DSCAM: variants seen among roughly 807,000 people sequenced by gnomAD.
The protein encoded by DSCAM is cell adhesion molecule DSCAM.
DSCAM carries 47 observed loss-of-function variants against 217.7 expected under a neutral mutation model. The observed-to-expected ratio is 0.22, with a 90% CI of 0.17 to 0.28. DSCAM has a LOEUF of 0.28. DSCAM is among the 10% of genes least tolerant of loss of function. DSCAM has a pLI of 1.00. For missense variants in DSCAM, 2,080 were observed against 2,618.3 expected, an observed-to-expected ratio of 0.79 and a Z score of 4.49; for synonymous variants, 1,056 against 1,015.3, an observed-to-expected ratio of 1.04 and a Z score of -0.76.
At chr21:40,695,936 G>A (rs970232866) in intron 2 of DSCAM, among the ~76,000 whole-genome samples, 6 of 152,102 alleles carry the variant, frequency 3.9e-5, no homozygotes, top group African/African-American at 1.2e-4. Flanking sequence ...TGTCTATGGC[G>A]ATATATCTCT....
At chr21:40,657,598 C>G (rs886361637) in intron 3 of DSCAM, among the ~76,000 whole-genome samples, 2 of 152,152 alleles carry the variant, frequency 1.3e-5, no homozygotes, top group Admixed American at 6.5e-5. Context: ...GTGACTTACC[C>G]TAAAGCAATG....
intron 3 of DSCAM, among the ~76,000 whole-genome samples, chr21:40,567,093 T>G (rs1013419524): frequency 6.6e-6 from 1 of 152,144 alleles, no homozygotes; most frequent in Admixed American, 6.5e-5. Flanking sequence ...AGTGTTACAT[T>G]TTATGACTCT....
intron 3 of DSCAM, among the ~76,000 whole-genome samples, chr21:40,542,763 C>T (rs948315670): frequency 1.3e-5 from 2 of 152,202 alleles, no homozygotes; most frequent in South Asian, 2.1e-4. Flanking sequence ...CCAAAATGGG[C>T]TAAGGTGCTC....
chr21:40,435,549 A>AG lies in DSCAM; in HGVS notation c.509-66305_509-66304insC, dbSNP rs1254447650. The stretch of plus-strand genomic sequence containing the variant: ...CAAATTTAAAAACTGTATCTACCAA[A>AG]AAAAAAAAAAAGCTATGAGATTTAG... On this transcript the variant is annotated intron_variant, in intron 3 of 32. Transcript: ENST00000400454. Among the ~76,000 whole-genome samples the AG allele has an allele frequency of 2.4e-3, 362 of 151,426 alleles. 4 individuals are homozygous for AG. Among genetic ancestry groups the AG allele is most frequent in the Middle Eastern group, 0.01 (3 of 294 alleles).
In DSCAM at chr21:40,013,105, C is replaced by T; in HGVS notation, c.5968G>A (p.Glu1990Lys). 1 of 1,605,092 alleles carries T rather than the reference C, an allele frequency of 6.2e-7. No individual in the cohort carries two copies. Reference sequence around the variant, plus strand: ...TGGCCCCGGGAGTCGAGCAGTGATTCTTGGGAGCTGCTCATTTTAGCTGCC... The same window carrying T: ...TGGCCCCGGGAGTCGAGCAGTGATTTTTGGGAGCTGCTCATTTTAGCTGCC... ...GQAAKMSSSQESLLDSRGHLK... is the reference protein window; with the variant it reads ...GQAAKMSSSQKSLLDSRGHLK... Residue 1990 changes from glutamate to lysine, a missense_variant, in exon 33 of 33, where the codon GAA becomes AAA. By Grantham distance (56) the Glu-to-Lys change is moderately conservative (BLOSUM62 1). Transcript: ENST00000400454.
chr21:40,686,730 C>G (rs1026239390), intron 3 of DSCAM, among the ~76,000 whole-genome samples: 1 of 152,050 alleles, frequency 6.6e-6, no homozygotes, highest in Admixed American at 6.6e-5. Flanking sequence ...TGCTTTGGAG[C>G]CTTGCTGGCA....
chr21:40,555,121 T>C (rs894595645), intron 3 of DSCAM, among the ~76,000 whole-genome samples: 1 of 152,222 alleles, frequency 6.6e-6, no homozygotes, highest in African/African-American at 2.4e-5. Flanking sequence ...TTAAATTCAA[T>C]ATTCAGGCAT....
At chr21:40,322,772 G>T (rs573125340) in intron 8 of DSCAM, among the ~76,000 whole-genome samples, 5 of 152,230 alleles carry the variant, frequency 3.3e-5, no homozygotes, top group Admixed American at 6.5e-5. Context: ...TGATTTACCC[G>T]CCTCGGCCTC....
chr21:40,826,416 G>A (rs1175879533), intron 1 of DSCAM, among the ~76,000 whole-genome samples: 3 of 152,352 alleles, frequency 2.0e-5, no homozygotes, highest in African/African-American at 7.2e-5. Flanking sequence ...TTGAGGTGTA[G>A]GCAATGCTGT....
At chr21:40,195,189 G>C (rs573252058) in intron 11 of DSCAM, among the ~76,000 whole-genome samples, 2 of 152,186 alleles carry the variant, frequency 1.3e-5, no homozygotes, top group African/African-American at 4.8e-5. Context: ...AGGATACAGA[G>C]AGAATGAAAA....
chr21:40,046,974 G>GGAA lies in DSCAM; in HGVS notation c.5186-2700_5186-2699insTTC, dbSNP rs540737001. On this transcript the variant is annotated intron_variant, in intron 30 of 32. Transcript: ENST00000400454. ...ATGGGAAAGTCGCACATGCAGCCTTGATTCAAAGCCTGGTCTCTTTTCAAG... is the reference window on the plus strand; with the variant it reads ...ATGGGAAAGTCGCACATGCAGCCTTGGAAATTCAAAGCCTGGTCTCTTTTCAAG... 1.2e-3 allele frequency among the ~76,000 whole-genome samples: 179 copies of GGAA among 152,070 alleles called. 2 individuals carry two copies. The highest frequency in any genetic ancestry group is 4.1e-3 in the African/African-American group (170 of 41,496).
chr21:40,718,111 T>G (rs1414550558), intron 1 of DSCAM, among the ~76,000 whole-genome samples: 1 of 152,128 alleles, frequency 6.6e-6, no homozygotes, highest in Non-Finnish European at 1.5e-5. Flanking sequence ...GCAAATGTAA[T>G]TGCTTGCATA....
intron 16 of DSCAM, among the ~76,000 whole-genome samples, chr21:40,148,667 C>A (rs1004764590): frequency 2.0e-5 from 3 of 152,028 alleles, no homozygotes; most frequent in African/African-American, 7.3e-5. Flanking sequence ...GTCACCACTG[C>A]CAACATCAAT....
intron 32 of DSCAM, among the ~76,000 whole-genome samples, chr21:40,032,783 TCTTA>T (rs933605674): frequency 1.3e-4 from 19 of 150,844 alleles, no homozygotes; most frequent in African/African-American, 4.7e-4. Context: ...ATCTTTTGCT[TCTTA>T]CTTTTGCATC....
chr21:40,456,313 TA>T (rs536095332), intron 3 of DSCAM, among the ~76,000 whole-genome samples: 28 of 151,498 alleles, frequency 1.8e-4, no homozygotes, highest in Middle Eastern at 3.4e-3. Flanking sequence ...AGAGTTCACT[TA>T]AAAAAAAGTA....
chr21:40,141,819 G>A (rs1283390056), intron 18 of DSCAM, among the ~76,000 whole-genome samples: 3 of 152,092 alleles, frequency 2.0e-5, no homozygotes, highest in African/African-American at 7.2e-5. Flanking sequence ...ACGCAGCCCG[G>A]CCCAGCCTGG....
At chr21:40,720,652 C>T (rs2090891525) in intron 1 of DSCAM, among the ~76,000 whole-genome samples, 1 of 151,438 alleles carries the variant, frequency 6.6e-6, no homozygotes, top group Non-Finnish European at 1.5e-5. Context: ...TCTATGTCTT[C>T]ACTAAAGTTT....
intron 1 of DSCAM, among the ~76,000 whole-genome samples, chr21:40,817,098 TG>T (rs2091887304): frequency 1.8e-4 from 27 of 151,844 alleles, no homozygotes; most frequent in African/African-American, 5.8e-4. Flanking sequence ...TTTTTTTTTT[TG>T]GTGCCAACAA....
At chr21:40,432,876 G>T (rs1426381955) in intron 3 of DSCAM, among the ~76,000 whole-genome samples, 1 of 152,254 alleles carries the variant, frequency 6.6e-6, no homozygotes, top group East Asian at 1.9e-4. Context: ...AGCTGGGTTT[G>T]CACCTGGGGA....
Sources: gnomAD v4.1 joint callset for allele counts (sites outside exome capture counted in the v4.1 genomes callset) on GRCh38, gnomAD v4.1.1 for gene constraint, MANE v1.5 for transcripts, NCBI Gene and HGNC (gene_info 2026-07-23, HGNC 2026-07-21) for gene names.